The following EFCAB8 variants were observed in gnomAD, a reference collection of about 807,000 sequenced individuals.
The protein encoded by EFCAB8 is EF-hand calcium binding domain 8, also known as EF-hand calcium-binding domain-containing protein 8.
Under a neutral mutation model 116.3 loss-of-function variants are expected in EFCAB8, and 100 were observed. The ratio of observed to expected loss-of-function variants is 0.86; its 90% CI spans 0.73 to 1.02. The LOEUF is 1.02. Among genes scored for constraint, EFCAB8 ranks in the 50% least tolerant of loss-of-function variants. EFCAB8 has a pLI of 0.00. For synonymous variants in EFCAB8, 558 were observed against 567.9 expected (o/e 0.98, Z 0.25); for missense variants, 1,320 against 1,416.9 (o/e 0.93, Z 1.10).
At chr20:32,935,939 AC>A (rs1453426007) in intron 22 of EFCAB8, among the ~76,000 whole-genome samples, 1 of 151,908 alleles carries the variant, frequency 6.6e-6, no homozygotes, top group Non-Finnish European at 1.5e-5. Flanking sequence ...TTATCTCTTT[AC>A]TTTGTTCATT....
At chr20:32,880,549 G>A (rs1326149692) in intron 5 of EFCAB8, among the ~76,000 whole-genome samples, 1 of 152,132 alleles carries the variant, frequency 6.6e-6, no homozygotes, top group African/African-American at 2.4e-5. Context: ...AGGATTATAG[G>A]TGTGAGCCAC....
At chr20:32,878,892 C>A in intron 5 of EFCAB8, 85 bp downstream of exon 5, 1 of 1,200,846 alleles carries the variant, frequency 8.3e-7, no homozygotes, top group Non-Finnish European at 1.2e-6. Flanking sequence ...TCCCTCAATC[C>A]GTGACCTTGC....
chr20:32,889,300 G>A lies in EFCAB8; in HGVS notation c.568-1G>A, dbSNP rs1985793647. Reference sequence around the variant, plus strand: ...ATCTCCTCTGCTCTTCCTCTGGCCAGCTTAACCAGACCCAGCAGCTCTACA... The same window carrying A: ...ATCTCCTCTGCTCTTCCTCTGGCCAACTTAACCAGACCCAGCAGCTCTACA... On this transcript the variant is annotated splice_acceptor_variant, in intron 6 of 26. Transcript: ENST00000400522. LOFTEE classifies it high-confidence loss of function. The A allele has an allele frequency of 6.4e-7, 1 of 1,551,568 alleles. No homozygotes were observed. The highest frequency in any genetic ancestry group is 8.7e-7 in the Non-Finnish European group (1 of 1,146,972).
At chr20:32,884,830 G>A (rs1363955617) in intron 5 of EFCAB8, among the ~76,000 whole-genome samples, 3 of 152,220 alleles carry the variant, frequency 2.0e-5, no homozygotes, top group South Asian at 4.1e-4. Context: ...ATGTTGGGAA[G>A]CTGGAGTGGC....
intron 23 of EFCAB8, among the ~76,000 whole-genome samples, chr20:32,946,709 A>T (rs1353413966): frequency 6.6e-6 from 1 of 152,326 alleles, no homozygotes; most frequent in Non-Finnish European, 1.5e-5. Flanking sequence ...GTGAGGTTTC[A>T]TGAATGCATA....
chr20:32,930,615 A>G lies in EFCAB8; in HGVS notation c.2630A>G (p.Lys877Arg). 1 of 1,552,176 alleles carries G rather than the reference A, an allele frequency of 6.4e-7. No homozygotes were observed. The highest frequency in any genetic ancestry group is 8.7e-7 in the Non-Finnish European group (1 of 1,147,052). ...ACGGGGGATTGTAAAGGATACATCA[A>G]GGTGAGGAAGAACTGGCAGGAAGAT... The part of the protein sequence containing the change: ...LITGDCKGYI[K>R]IWDIKDYCAL... The change falls in exon 21 of 27, where the codon AAG (lysine) becomes AGG (arginine). Residue 877 changes from lysine to arginine, a missense_variant and splice_region_variant. By Grantham distance (26) the Lys-to-Arg change is conservative. Coordinates refer to ENST00000400522, the MANE Select transcript of EFCAB8 (RefSeq NM_001143967.2).
intron 22 of EFCAB8, among the ~76,000 whole-genome samples, chr20:32,938,618 A>G (rs1988212940): frequency 1.3e-5 from 2 of 149,872 alleles, no homozygotes; most frequent in Admixed American, 6.6e-5. Flanking sequence ...TACAAAACCA[A>G]TATATTTATA....
intron 23 of EFCAB8, among the ~76,000 whole-genome samples, chr20:32,954,255 G>A (rs958735064): frequency 4.6e-5 from 7 of 152,050 alleles, no homozygotes; most frequent in Non-Finnish European, 8.8e-5. Flanking sequence ...AGTTTTTACA[G>A]TTTTGGGTAT....
intron 22 of EFCAB8, among the ~76,000 whole-genome samples, chr20:32,942,847 T>C (rs1988448300): frequency 6.6e-6 from 1 of 152,170 alleles, no homozygotes; most frequent in South Asian, 2.1e-4. Context: ...TCTCTTATAG[T>C]TCATCAGGTA....
chr20:32,958,127 C>T (rs1423032779), intron 23 of EFCAB8, among the ~76,000 whole-genome samples: 1 of 152,174 alleles, frequency 6.6e-6, no homozygotes, highest in Admixed American at 6.5e-5. Context: ...TGAAGCCCAA[C>T]TGAGGATCAT....
At chr20:32,906,698 G>T (rs1986690593) in intron 12 of EFCAB8, 69 bp downstream of exon 12, 1 of 718,664 alleles carries the variant, frequency 1.4e-6, no homozygotes, top group Admixed American at 2.0e-5. Context: ...GACCACCAGA[G>T]CTCAGGAGAG....
chr20:32,953,510 T>A (rs1291031073), intron 23 of EFCAB8, among the ~76,000 whole-genome samples: 1 of 152,250 alleles, frequency 6.6e-6, no homozygotes, highest in Non-Finnish European at 1.5e-5. Context: ...TTTGTTTTTT[T>A]TGTTTGAAAC....
At chr20:32,950,259 G>T (rs1443754890) in intron 23 of EFCAB8, among the ~76,000 whole-genome samples, 1 of 152,166 alleles carries the variant, frequency 6.6e-6, no homozygotes, top group Non-Finnish European at 1.5e-5. Context: ...CACAGACTGG[G>T]AGAAGATATT....
intron 22 of EFCAB8, among the ~76,000 whole-genome samples, chr20:32,939,165 T>C (rs1988275808): frequency 4.0e-5 from 4 of 99,496 alleles, no homozygotes; most frequent in Non-Finnish European, 6.5e-5. Flanking sequence ...CTTTCTTTCT[T>C]TCTTTCTTTC....
At chr20:32,902,745 T>C (rs1986488130) in intron 11 of EFCAB8, among the ~76,000 whole-genome samples, 1 of 152,210 alleles carries the variant, frequency 6.6e-6, no homozygotes, top group South Asian at 2.1e-4. Context: ...GGGCCTGGCA[T>C]TGGCACCCCA....
chr20:32,902,330 G>C (rs1263274831), intron 11 of EFCAB8, among the ~76,000 whole-genome samples: 1 of 152,142 alleles, frequency 6.6e-6, no homozygotes, highest in Non-Finnish European at 1.5e-5. Context: ...GTGGGATGGA[G>C]GGACTGGAGA....
In EFCAB8 at chr20:32,908,272, C is replaced by T. The variant is rs1986770284; in HGVS notation, c.1309-3C>T. 4.8e-6 allele frequency: 6 copies of T among 1,249,928 alleles called. No individual in the cohort carries two copies. In the Admixed American group the frequency reaches 2.1e-4, roughly 44 times the overall value. The allele number at this position is 1,249,928 out of a possible 1,614,324, so 77.4% of individuals were successfully genotyped here. ...AGCGTCTTGCCTTTTTCCCATCCCC[C>T]AGAATATTCGCGTGTGGGACATGCT... On this transcript the variant is annotated splice_polypyrimidine_tract_variant and splice_region_variant and intron_variant, in intron 13 of 26. Coordinates refer to ENST00000400522, the MANE Select transcript of EFCAB8 (RefSeq NM_001143967.2).
chr20:32,887,737 G>A (rs1178761108), intron 6 of EFCAB8, among the ~76,000 whole-genome samples: 3 of 152,216 alleles, frequency 2.0e-5, no homozygotes, highest in Non-Finnish European at 4.4e-5. Flanking sequence ...TGCCTGGAGT[G>A]CCAGCTCACA....
intron 11 of EFCAB8, among the ~76,000 whole-genome samples, chr20:32,901,349 CAT>C: frequency 1.3e-5 from 2 of 152,322 alleles, no homozygotes; most frequent in East Asian, 1.9e-4. Context: ...AAAAAAGTCT[CAT>C]AATGTTATAA....
Sources: allele counts gnomAD v4.1 joint callset (sites outside exome capture counted in the v4.1 genomes callset), GRCh38; gene constraint gnomAD v4.1.1; transcripts MANE v1.5; gene names NCBI Gene and HGNC (gene_info 2026-07-23, HGNC 2026-07-21).